XIRP2: variants seen among roughly 807,000 people sequenced by gnomAD.
XIRP2 encodes xin actin-binding repeat-containing protein 2.
Under a neutral mutation model 277.0 loss-of-function variants are expected in XIRP2, and 236 were observed. The ratio of observed to expected loss-of-function variants is 0.85; its 90% CI spans 0.77 to 0.95. The LOEUF (loss-of-function observed/expected upper bound fraction) is 0.95. XIRP2 is among the 40% of genes least tolerant of loss of function. XIRP2 has a pLI of 0.00. For missense variants in XIRP2, 4,640 were observed against 4,157.5 expected, an observed-to-expected ratio of 1.12 and a Z score of -3.19; for synonymous variants, 1,490 against 1,416.5, an observed-to-expected ratio of 1.05 and a Z score of -1.17.
At chr2:167,218,327 A>G (rs759487912) in intron 5 of XIRP2, 27 bp downstream of exon 5, 2 of 1,418,852 alleles carry the variant, frequency 1.4e-6, no homozygotes, top group Admixed American at 2.5e-5. Context: ...TGATGGGTAA[A>G]TCAGGCATGG....
rs1374541984 is a variant in XIRP2 at position 167,246,881 on chromosome 2, A to G, written c.5489A>G (p.Lys1830Arg). 6.2e-7 allele frequency: 1 copy of G among 1,613,496 alleles called. No individual in the cohort carries two copies. The highest frequency in any genetic ancestry group is 1.3e-5 in the African/African-American group (1 of 74,880). ...ACCGAGCCTCAGAGTACATTTGGTA[A>G]GATACCCAAAGAAGAGATTATAAAA... is the stretch of plus-strand genomic sequence containing the variant. ...FMTEPQSTFG[K>R]IPKEEIIKGD... Residue 1830 changes from lysine (K) to arginine (R), a missense_variant, in exon 9 of 11, where the codon AAG (lysine) becomes AGG (arginine). Lys to Arg is a conservative substitution (Grantham distance 26, BLOSUM62 2). Coordinates refer to ENST00000409195, the MANE Select transcript of XIRP2 (RefSeq NM_152381.6).
intron 2 of XIRP2, among the ~76,000 whole-genome samples, chr2:166,952,980 A>T (rs1198644265): frequency 6.6e-6 from 1 of 152,050 alleles, no homozygotes; most frequent in African/African-American, 2.4e-5. Context: ...CATTTCATAT[A>T]CAAAATTATT....
At chr2:166,953,446 C>T (rs1319145924) in intron 2 of XIRP2, among the ~76,000 whole-genome samples, 2 of 151,990 alleles carry the variant, frequency 1.3e-5, no homozygotes, top group African/African-American at 2.4e-5. Context: ...CCCTTTGCTC[C>T]TCCTCTGCCT....
At chr2:167,181,696 A>G (rs1693013250) in intron 3 of XIRP2, among the ~76,000 whole-genome samples, 1 of 152,116 alleles carries the variant, frequency 6.6e-6, no homozygotes, top group South Asian at 2.1e-4. Context: ...TCTTTATTGT[A>G]AGGGATATGT....
intron 3 of XIRP2, among the ~76,000 whole-genome samples, chr2:167,149,410 C>G (rs531439413): frequency 1.3e-5 from 2 of 152,100 alleles, no homozygotes; most frequent in African/African-American, 4.8e-5. Context: ...TAAAAATCAA[C>G]AAGTGTAGGA....
chr2:167,023,302 G>C (rs7605830), intron 2 of XIRP2, among the ~76,000 whole-genome samples: 16,814 of 149,192 alleles, frequency 0.11, 1,353 homozygotes, highest in East Asian at 0.44. Flanking sequence ...TGATGGGGTT[G>C]TTTGTTTTTT....
chr2:166,916,383 C>G (rs982918563), intron 2 of XIRP2, among the ~76,000 whole-genome samples: 1 of 152,168 alleles, frequency 6.6e-6, no homozygotes, highest in African/African-American at 2.4e-5. Context: ...TCCCCACCCT[C>G]TCCTCTCATC....
At chr2:167,108,907 G>A (rs1690677326) in intron 2 of XIRP2, among the ~76,000 whole-genome samples, 1 of 151,700 alleles carries the variant, frequency 6.6e-6, no homozygotes, top group Non-Finnish European at 1.5e-5. Flanking sequence ...ACATGCATAA[G>A]TTTGTTAAAA....
chr2:166,900,816 C>T (rs1296214305), intron 1 of XIRP2, among the ~76,000 whole-genome samples: 1 of 152,058 alleles, frequency 6.6e-6, no homozygotes, highest in East Asian at 1.9e-4. Context: ...TAGTTACCAG[C>T]TCTGTCCTCT....
At chr2:167,049,783 T>C (rs970663157) in intron 2 of XIRP2, among the ~76,000 whole-genome samples, 2 of 152,048 alleles carry the variant, frequency 1.3e-5, no homozygotes, top group African/African-American at 4.8e-5. Flanking sequence ...AAGAGAGAAC[T>C]GCAATGAGAA....
intron 3 of XIRP2, among the ~76,000 whole-genome samples, chr2:167,203,736 T>C (rs150309922): frequency 6.6e-6 from 1 of 152,350 alleles, no homozygotes; most frequent in Non-Finnish European, 1.5e-5. Flanking sequence ...CAAATTTTAC[T>C]TGGCAGTAGC....
chr2:167,151,165 T>C (rs1233452982), intron 3 of XIRP2, among the ~76,000 whole-genome samples: 1 of 152,100 alleles, frequency 6.6e-6, no homozygotes, highest in Non-Finnish European at 1.5e-5. Flanking sequence ...GCAATCTGTA[T>C]TGGGTCCCAG....
intron 3 of XIRP2, among the ~76,000 whole-genome samples, chr2:167,137,183 G>C (rs908750097): frequency 1.3e-5 from 2 of 152,150 alleles, no homozygotes; most frequent in African/African-American, 2.4e-5. Flanking sequence ...AATTTGGAGT[G>C]GGAGGCAGGT....
At chr2:167,157,696 A>T (rs1217300932) in intron 3 of XIRP2, among the ~76,000 whole-genome samples, 1 of 152,132 alleles carries the variant, frequency 6.6e-6, no homozygotes, top group Admixed American at 6.6e-5. Flanking sequence ...AGCTTGTGGG[A>T]TGTTATCAAT....
intron 2 of XIRP2, among the ~76,000 whole-genome samples, chr2:166,943,660 G>T (rs1685780509): frequency 6.6e-6 from 1 of 152,232 alleles, no homozygotes; most frequent in Non-Finnish European, 1.5e-5. Flanking sequence ...ACACTGACTG[G>T]CCAGTGGTGG....
At chr2:167,198,403 TACA>T (rs1399968187) in intron 3 of XIRP2, among the ~76,000 whole-genome samples, 3 of 152,194 alleles carry the variant, frequency 2.0e-5, no homozygotes, top group African/African-American at 7.2e-5. Context: ...TTAAGATGTA[TACA>T]ACATTATTCA....
chr2:166,940,431 C>T (rs969392860), intron 2 of XIRP2, among the ~76,000 whole-genome samples: 7 of 152,154 alleles, frequency 4.6e-5, no homozygotes, highest in Admixed American at 4.6e-4. Context: ...CGTCTGAAGC[C>T]TTCTTCTCTC....
At chr2:167,087,832 C>T (rs1366134644) in intron 2 of XIRP2, among the ~76,000 whole-genome samples, 1 of 152,142 alleles carries the variant, frequency 6.6e-6, no homozygotes, top group Non-Finnish European at 1.5e-5. Context: ...CTGACCTGCG[C>T]CCACTGTCTG....
intron 2 of XIRP2, among the ~76,000 whole-genome samples, chr2:167,084,777 C>T (rs1358549086): frequency 6.0e-5 from 9 of 149,380 alleles, no homozygotes; most frequent in Admixed American, 6.7e-5. Flanking sequence ...TCTGTGGGAT[C>T]GGTGGTGATA....
Sources: gnomAD v4.1 joint callset for allele counts (sites outside exome capture counted in the v4.1 genomes callset) on GRCh38, gnomAD v4.1.1 for gene constraint, MANE v1.5 for transcripts, NCBI Gene and HGNC (gene_info 2026-07-23, HGNC 2026-07-21) for gene names.